PTPRD: variants seen among roughly 807,000 people sequenced by gnomAD.
PTPRD encodes the protein receptor-type tyrosine-protein phosphatase delta.
A neutral mutation model predicts 214.5 loss-of-function variants in PTPRD; 34 were observed. That is an observed-to-expected ratio of 0.16 (90% CI 0.12 to 0.21). The LOEUF is 0.21. Ranked by LOEUF, PTPRD falls within the 10% of genes least tolerant of loss-of-function variation. The pLI is 1.00. For missense variants in PTPRD, 2,545 were observed against 2,398.7 expected (o/e 1.06, Z -1.27); for synonymous variants, 1,128 against 845.7 (o/e 1.33, Z -5.79).
chr9:9,332,872 C>T (rs1422631191), intron 9 of PTPRD, among the ~76,000 whole-genome samples: 2 of 151,924 alleles, frequency 1.3e-5, no homozygotes, highest in Non-Finnish European at 2.9e-5. Context: ...GATACATGTG[C>T]TATATTTCCA....
At chr9:10,189,833 G>C (rs1229413920) in intron 3 of PTPRD, among the ~76,000 whole-genome samples, 5 of 152,146 alleles carry the variant, frequency 3.3e-5, no homozygotes, top group African/African-American at 1.2e-4. Context: ...GTAGGAGTTA[G>C]TTTGGCAAGG....
intron 14 of PTPRD, among the ~76,000 whole-genome samples, chr9:8,601,531 T>C (rs2094863143): frequency 6.6e-6 from 1 of 152,160 alleles, no homozygotes; most frequent in Admixed American, 6.5e-5. Context: ...TCCAGGCAGC[T>C]CAGCACACAG....
At chr9:8,777,325 A>C (rs2095526218) in intron 11 of PTPRD, among the ~76,000 whole-genome samples, 1 of 152,128 alleles carries the variant, frequency 6.6e-6, no homozygotes, top group Non-Finnish European at 1.5e-5. Context: ...CAACTGGTTG[A>C]CAAATTAATA....
chr9:8,443,850 C>T (rs1182431575), intron 34 of PTPRD, among the ~76,000 whole-genome samples: 2 of 152,114 alleles, frequency 1.3e-5, no homozygotes, highest in African/African-American at 4.8e-5. Flanking sequence ...TCCTCAACCT[C>T]TAAATTTTCT....
At chr9:9,828,662 C>A (rs928151303) in intron 5 of PTPRD, among the ~76,000 whole-genome samples, 9 of 150,840 alleles carry the variant, frequency 6.0e-5, no homozygotes, top group Admixed American at 1.3e-4. Context: ...AATAAAAGAT[C>A]TTTTGCTAAT....
At chr9:9,200,428 T>G (rs974285357) in intron 9 of PTPRD, among the ~76,000 whole-genome samples, 3 of 152,216 alleles carry the variant, frequency 2.0e-5, no homozygotes, top group Non-Finnish European at 4.4e-5. Context: ...GGTATTAAAT[T>G]TCTATGAGTG....
chr9:9,779,884 A>G (rs1176719090), intron 5 of PTPRD, among the ~76,000 whole-genome samples: 3 of 152,222 alleles, frequency 2.0e-5, no homozygotes, highest in Non-Finnish European at 4.4e-5. Context: ...GCTACCATTC[A>G]ACCCAGCAAT....
intron 11 of PTPRD, among the ~76,000 whole-genome samples, chr9:8,920,653 T>C (rs1002162261): frequency 2.0e-5 from 3 of 152,166 alleles, no homozygotes; most frequent in African/African-American, 4.8e-5. Flanking sequence ...TGGGCCACAT[T>C]CAAAGCCATC....
At chr9:8,757,576 T>C (rs1024190597) in intron 11 of PTPRD, among the ~76,000 whole-genome samples, 7 of 150,234 alleles carry the variant, frequency 4.7e-5, no homozygotes, top group Admixed American at 6.6e-5. Context: ...ACAGGAAAAG[T>C]AGTGATAGAG....
chr9:9,629,200 A>G (rs2095512371), intron 7 of PTPRD, among the ~76,000 whole-genome samples: 1 of 149,142 alleles, frequency 6.7e-6, no homozygotes, highest in Non-Finnish European at 1.5e-5. Flanking sequence ...TAAAAATTAA[A>G]AAATGAAAAT....
At chr9:9,234,750 G>T (rs562126916) in intron 9 of PTPRD, among the ~76,000 whole-genome samples, 1 of 152,196 alleles carries the variant, frequency 6.6e-6, no homozygotes, top group South Asian at 2.1e-4. Context: ...TTCCCAAAAA[G>T]TTCCTCATCT....
chr9:9,092,216 T>C (rs1047689141), intron 10 of PTPRD, among the ~76,000 whole-genome samples: 18 of 152,156 alleles, frequency 1.2e-4, no homozygotes, highest in Non-Finnish European at 7.4e-5. Context: ...TTGTCTATTA[T>C]AGGGCAAAGT....
intron 35 of PTPRD, among the ~76,000 whole-genome samples, chr9:8,420,803 C>CTT (rs3835267): frequency 2.2e-4 from 25 of 111,440 alleles, no homozygotes; most frequent in African/African-American, 7.1e-4. Context: ...GATCATTTTT[C>CTT]TTTTTTTTTT....
At chr9:9,832,042 T>C (rs2055033967) in intron 5 of PTPRD, among the ~76,000 whole-genome samples, 1 of 152,006 alleles carries the variant, frequency 6.6e-6, no homozygotes, top group Non-Finnish European at 1.5e-5. Context: ...TGACATTTTA[T>C]GTCTTTAACC....
intron 43 of PTPRD, among the ~76,000 whole-genome samples, chr9:8,335,856 C>G (rs974850317): frequency 3.3e-5 from 5 of 152,092 alleles, no homozygotes; most frequent in African/African-American, 1.2e-4. Flanking sequence ...ACAGCCAAAT[C>G]ATGAGTGAAC....
chr9:8,395,862 C>G (rs1409317907), intron 36 of PTPRD, among the ~76,000 whole-genome samples: 1 of 151,946 alleles, frequency 6.6e-6, no homozygotes, highest in Non-Finnish European at 1.5e-5. Context: ...GAATACATTG[C>G]AAGATCAGCA....
chr9:9,001,374 G>A (rs913659531), intron 11 of PTPRD, among the ~76,000 whole-genome samples: 1 of 151,976 alleles, frequency 6.6e-6, no homozygotes, highest in African/African-American at 2.4e-5. Flanking sequence ...GACAGATTGA[G>A]TTACCTGTAC....
At position 10,181,631 on chromosome 9, in the gene PTPRD, A is replaced by T. The variant is rs553546903; in HGVS notation, c.-544-147841T>A. On this transcript the variant is annotated intron_variant, in intron 3 of 45. Transcript: ENST00000381196. ...ATTCTGTCAGATACTAAGGTATATTATAAAACATAGTAATTAAGATATCAT... is the reference window on the plus strand; with the variant it reads ...ATTCTGTCAGATACTAAGGTATATTTTAAAACATAGTAATTAAGATATCAT... Among the ~76,000 whole-genome samples the T allele has an allele frequency of 7.1e-4, 108 of 152,136 alleles. 1 individual carries two copies. The highest frequency in any genetic ancestry group is 2.5e-3 in the African/African-American group (105 of 41,546).
intron 3 of PTPRD, among the ~76,000 whole-genome samples, chr9:10,138,181 C>T (rs957478345): frequency 1.3e-5 from 2 of 151,860 alleles, no homozygotes; most frequent in African/African-American, 4.8e-5. Flanking sequence ...TCTAAGTAAC[C>T]ACAATTAGAA....
Sources: gnomAD v4.1 joint callset for allele counts (sites outside exome capture counted in the v4.1 genomes callset) on GRCh38, gnomAD v4.1.1 for gene constraint, MANE v1.5 for transcripts, NCBI Gene and HGNC (gene_info 2026-07-23, HGNC 2026-07-21) for gene names.